The following TAF2 variants were observed in gnomAD, a reference collection of about 807,000 sequenced individuals.
The protein encoded by TAF2 is TATA-box binding protein associated factor 2.
Under a neutral mutation model 138.5 loss-of-function variants are expected in TAF2, and 61 were observed. That is an observed-to-expected ratio of 0.44 (90% CI 0.36 to 0.54). The LOEUF is 0.54. Among genes scored for constraint, TAF2 ranks in the 20% least tolerant of loss-of-function variants. TAF2 has a pLI of 0.00. For missense variants in TAF2, 1,090 were observed against 1,427.9 expected (o/e 0.76, Z 3.81); for synonymous variants, 475 against 469.9 (o/e 1.01, Z -0.14).
chr8:119,738,618 T>C lies in TAF2; in HGVS notation c.3337+3916A>G, dbSNP rs574874804. ...TTCAGAGTTGTATTGTTCTACTCAATGTAAACTCTTTCCTGGAGACCAAAC... is the reference window on the plus strand; with the variant it reads ...TTCAGAGTTGTATTGTTCTACTCAACGTAAACTCTTTCCTGGAGACCAAAC... On this transcript the variant is annotated intron_variant, in intron 25 of 25. Coordinates refer to ENST00000378164, the MANE Select transcript of TAF2 (RefSeq NM_003184.4). 5.3e-5 allele frequency among the ~76,000 whole-genome samples: 8 copies of C among 152,324 alleles called. No homozygotes were observed. In the South Asian group the frequency reaches 1.7e-3, roughly 32 times the overall value.
chr8:119,734,635 C>T (rs927051368), intron 25 of TAF2, among the ~76,000 whole-genome samples: 3 of 152,138 alleles, frequency 2.0e-5, no homozygotes, highest in East Asian at 3.9e-4. Context: ...AACTGATACA[C>T]TCATTTAATA....
chr8:119,789,766 T>C lies in TAF2; in HGVS notation c.1414-20A>G, dbSNP rs1823286750. ...GAAAACCTGTAAGGATAAAATCATT[T>C]AGTAAATTCATATAACAGATTCTTT... is the stretch of plus-strand genomic sequence containing the variant. On this transcript the variant is annotated intron_variant, in intron 11 of 25. Coordinates refer to ENST00000378164, the MANE Select transcript of TAF2 (RefSeq NM_003184.4). 1 of 1,609,924 alleles carries C rather than the reference T, an allele frequency of 6.2e-7. No individual in the cohort carries two copies. Among genetic ancestry groups the C allele is most frequent in the Non-Finnish European group, 8.5e-7 (1 of 1,177,574 alleles).
chr8:119,770,427 T>C (rs769515658), intron 18 of TAF2, among the ~76,000 whole-genome samples: 12 of 152,048 alleles, frequency 7.9e-5, no homozygotes, highest in South Asian at 2.1e-4. Flanking sequence ...CAGGAAGAGA[T>C]TGGGGGTCTA....
chr8:119,762,631 GAAGAT>G (rs1821143957), intron 18 of TAF2, 23 bp from the exon 19 acceptor site: 1 of 1,593,530 alleles, frequency 6.3e-7, no homozygotes, highest in Non-Finnish European at 8.6e-7. Context: ...AAAATTAAGT[GAAGAT>G]AACAAAATTA....
At chr8:119,801,765 G>A (rs529623072) in intron 6 of TAF2, 29 bp downstream of exon 6, 6 of 1,590,020 alleles carry the variant, frequency 3.8e-6, no homozygotes, top group East Asian at 2.2e-5. Context: ...GGGCCAGGAG[G>A]AGAGTAAGAG....
intron 3 of TAF2, among the ~76,000 whole-genome samples, chr8:119,811,058 A>AT (rs1290739490): frequency 1.3e-5 from 2 of 152,172 alleles, no homozygotes; most frequent in African/African-American, 4.8e-5. Flanking sequence ...TGTGTTTTCA[A>AT]TTTTCAGAAT....
intron 18 of TAF2, among the ~76,000 whole-genome samples, chr8:119,768,540 A>C (rs1821605057): frequency 6.6e-6 from 1 of 152,134 alleles, no homozygotes; most frequent in African/African-American, 2.4e-5. Flanking sequence ...ATATGATTTC[A>C]ATTTTTTTGA....
intron 20 of TAF2, 124 bp from the exon 21 acceptor site, chr8:119,758,266 G>T: frequency 1.2e-6 from 1 of 815,398 alleles, no homozygotes; most frequent in Non-Finnish European, 2.0e-6. Context: ...TTCAATCAGA[G>T]TTGAAGGTTA....
At chr8:119,813,578 C>A (rs1275913100) in intron 3 of TAF2, among the ~76,000 whole-genome samples, 2 of 152,000 alleles carry the variant, frequency 1.3e-5, no homozygotes, top group Admixed American at 1.3e-4. Flanking sequence ...TAAGAAAACA[C>A]AGTATCAAAT....
intron 25 of TAF2, among the ~76,000 whole-genome samples, chr8:119,737,579 G>A (rs1819309079): frequency 6.6e-6 from 1 of 150,496 alleles, no homozygotes; most frequent in South Asian, 2.1e-4. Context: ...CATGATTTTG[G>A]CTTACTACAA....
At chr8:119,739,941 T>C (rs892858688) in intron 25 of TAF2, among the ~76,000 whole-genome samples, 1 of 152,054 alleles carries the variant, frequency 6.6e-6, no homozygotes, top group Non-Finnish European at 1.5e-5. Flanking sequence ...TTCAAAAACT[T>C]TTGTGAGACT....
chr8:119,820,828 G>A (rs1228978567), intron 2 of TAF2, among the ~76,000 whole-genome samples: 2 of 152,140 alleles, frequency 1.3e-5, no homozygotes, highest in Admixed American at 1.3e-4. Flanking sequence ...GAAACACAGA[G>A]AACAAAAGAA....
At chr8:119,815,107 C>A (rs1245148977) in intron 3 of TAF2, among the ~76,000 whole-genome samples, 1 of 149,890 alleles carries the variant, frequency 6.7e-6, no homozygotes, top group African/African-American at 2.4e-5. Flanking sequence ...TATGGTGAAA[C>A]CCTGTCTCTA....
At chr8:119,815,969 T>G (rs540604870) in intron 3 of TAF2, among the ~76,000 whole-genome samples, 10 of 152,278 alleles carry the variant, frequency 6.6e-5, no homozygotes, top group Admixed American at 4.6e-4. Flanking sequence ...GAAATGCCTT[T>G]CAGCCTCTTA....
intron 18 of TAF2, among the ~76,000 whole-genome samples, chr8:119,773,262 T>A (rs891577412): frequency 4.0e-5 from 6 of 151,480 alleles, no homozygotes; most frequent in African/African-American, 1.2e-4. Flanking sequence ...TATAATACAC[T>A]ACCATTTCTA....
At chr8:119,740,675 A>AAG (rs1819546649) in intron 25 of TAF2, among the ~76,000 whole-genome samples, 1 of 86,292 alleles carries the variant, frequency 1.2e-5, no homozygotes, top group Non-Finnish European at 2.4e-5. Flanking sequence ...AAAAAAAAAA[A>AAG]AAAAGAAAAG....
At chr8:119,751,372 G>A (rs1454838788) in intron 22 of TAF2, among the ~76,000 whole-genome samples, 1 of 152,082 alleles carries the variant, frequency 6.6e-6, no homozygotes, top group Non-Finnish European at 1.5e-5. Context: ...TATCTTTCCA[G>A]ATAATACTAT....
rs759958025 is a variant in TAF2 at position 119,788,906 on chromosome 8, TG to T, written c.1569-3del. 2.5e-6 allele frequency: 4 copies of T among 1,577,224 alleles called. No individual in the cohort carries two copies. Among genetic ancestry groups the T allele is most frequent in the Admixed American group, 1.7e-5 (1 of 59,946 alleles). On this transcript the variant is annotated splice_region_variant and splice_polypyrimidine_tract_variant and intron_variant, in intron 12 of 25. Transcript: ENST00000378164. ...AATTTTACCACTCCACTCTGATCTCTGAAGAATTGTAAAGGAAAGTTTACAT... is the reference window on the plus strand; with the variant it reads ...AATTTTACCACTCCACTCTGATCTCTAAGAATTGTAAAGGAAAGTTTACAT...
chr8:119,732,295 T>A, intron 25 of TAF2, 109 bp from the exon 26 acceptor site: 1 of 973,120 alleles, frequency 1.0e-6, no homozygotes, highest in Non-Finnish European at 1.6e-6. Flanking sequence ...TAAGTTTTTA[T>A]CACTTCTATC....
Sources: allele counts gnomAD v4.1 joint callset (sites outside exome capture counted in the v4.1 genomes callset), GRCh38; gene constraint gnomAD v4.1.1; transcripts MANE v1.5; gene names NCBI Gene and HGNC (gene_info 2026-07-23, HGNC 2026-07-21).